Variants in NANOS3 observed in about 807,000 individuals in gnomAD.
NANOS3 encodes the protein nanos homolog 3.
NANOS3 carries 11 observed loss-of-function variants against 13.8 expected under a neutral mutation model. The ratio of observed to expected loss-of-function variants is 0.80; its 90% confidence interval spans 0.50 to 1.32. NANOS3 has a LOEUF of 1.32. Among genes scored for constraint, NANOS3 ranks in the 40% most tolerant of loss-of-function variants. NANOS3 has a pLI of 0.00. For missense variants in NANOS3, 221 were observed against 263.8 expected (o/e 0.84, Z 1.12); for synonymous variants, 119 against 115.4 (o/e 1.03, Z -0.20).
At chr19:13,872,681 A>T (rs1437780537), upstream of NANOS3, among the ~76,000 whole-genome samples, 1 of 152,088 alleles carries the variant, frequency 6.6e-6, no homozygotes, top group Non-Finnish European at 1.5e-5. Context: ...GGGACCGGCC[A>T]CCTCCCTCGG....
chr19:13,875,737 A>G (rs1398131281), upstream of NANOS3, among the ~76,000 whole-genome samples: 1 of 152,010 alleles, frequency 6.6e-6, no homozygotes, highest in African/African-American at 2.4e-5. Flanking sequence ...TTTTGTAGGA[A>G]CAGGGTCTCA....
intron 1 of NANOS3, among the ~76,000 whole-genome samples, chr19:13,871,475 C>G (rs570608912): frequency 6.6e-6 from 1 of 152,350 alleles, no homozygotes; most frequent in Admixed American, 6.5e-5. Context: ...GCCCCAGCCC[C>G]AGCTTCCTGG....
upstream of NANOS3, among the ~76,000 whole-genome samples, chr19:13,877,046 CT>C (rs1395719454): frequency 1.3e-5 from 2 of 152,146 alleles, no homozygotes; most frequent in Non-Finnish European, 2.9e-5. Context: ...CCAGGCCCCC[CT>C]GTGACAATAA....
At chr19:13,873,720 C>T (rs938271078), upstream of NANOS3, among the ~76,000 whole-genome samples, 2 of 152,164 alleles carry the variant, frequency 1.3e-5, no homozygotes, top group Non-Finnish European at 2.9e-5. Context: ...ATCCTCCCGC[C>T]TCAGCCTCCC....
At chr19:13,870,735 T>G (rs920835969) in intron 1 of NANOS3, among the ~76,000 whole-genome samples, 1 of 150,270 alleles carries the variant, frequency 6.7e-6, no homozygotes, top group Admixed American at 6.7e-5. Flanking sequence ...GCCTGGCTAC[T>G]TTTTTTTTGT....
At chr19:13,878,802 A>C in intron 1 of NANOS3, among the ~76,000 whole-genome samples, 1 of 150,796 alleles carries the variant, frequency 6.6e-6, no homozygotes, top group Non-Finnish European at 1.5e-5. Flanking sequence ...CCTCCCATAG[A>C]AACAGGGTCT....
chr19:13,874,241 C>T (rs1968462317), upstream of NANOS3, among the ~76,000 whole-genome samples: 1 of 152,212 alleles, frequency 6.6e-6, no homozygotes, highest in Non-Finnish European at 1.5e-5. Flanking sequence ...GCCCGGAACT[C>T]AGTGAAGCTC....
upstream of NANOS3, among the ~76,000 whole-genome samples, chr19:13,862,670 C>T (rs1568360305): frequency 1.3e-5 from 2 of 152,102 alleles, no homozygotes; most frequent in African/African-American, 4.8e-5. Flanking sequence ...TCCTGAGTAG[C>T]TGGGATTATA....
chr19:13,873,258 A>T (rs1488798060), upstream of NANOS3, among the ~76,000 whole-genome samples: 1 of 99,414 alleles, frequency 1.0e-5, no homozygotes, highest in Non-Finnish European at 1.9e-5. Flanking sequence ...TGGTGGCTCC[A>T]GACTGTGGGT....
upstream of NANOS3, among the ~76,000 whole-genome samples, chr19:13,865,029 C>A (rs1976210852): frequency 6.6e-6 from 1 of 151,978 alleles, no homozygotes; most frequent in Non-Finnish European, 1.5e-5. Context: ...CCGCCCGCGC[C>A]CCCGTGTCCC....
chr19:13,878,057 CGCCACCACACCCGGCTAATT>C lies in NANOS3; in HGVS notation c.517+300_517+319del, dbSNP rs1209598887. ...CTGGGTAGCTGGGATTATAGGCGCG[CGCCACCACACCCGGCTAATT>C]GCCACCATGCCCGGCTAAATTTTGT... On this transcript the variant is annotated intron_variant, in intron 1 of 1. Coordinates refer to ENST00000339133, the MANE Select transcript of NANOS3 (RefSeq NM_001098622.3). Among the ~76,000 whole-genome samples the C allele has an allele frequency of 1.1e-3, 168 of 151,238 alleles. 3 individuals are homozygous for C. The highest frequency in any genetic ancestry group is 8.8e-4 in the Non-Finnish European group (60 of 67,836).
At chr19:13,874,212 G>A (rs568570037), upstream of NANOS3, among the ~76,000 whole-genome samples, 2 of 152,132 alleles carry the variant, frequency 1.3e-5, no homozygotes, top group Admixed American at 1.3e-4. Flanking sequence ...TCACGCTGTT[G>A]TGATTCCTAA....
chr19:13,877,853 C>G, intron 1 of NANOS3, 88 bp downstream of exon 1: 1 of 1,467,260 alleles, frequency 6.8e-7, no homozygotes. Context: ...TACCCACCTC[C>G]AAGGGTTAGG....
chr19:13,865,966 A>T (rs1463193901), intron 1 of NANOS3, among the ~76,000 whole-genome samples: 1 of 151,798 alleles, frequency 6.6e-6, no homozygotes, highest in Non-Finnish European at 1.5e-5. Context: ...GGCCAAGTTC[A>T]TGGGCGCTCG....
intron 1 of NANOS3, among the ~76,000 whole-genome samples, chr19:13,867,833 T>C (rs1225832800): frequency 2.6e-5 from 4 of 152,008 alleles, no homozygotes; most frequent in African/African-American, 4.8e-5. Flanking sequence ...CACAAAGATA[T>C]ATGAGCACGA....
chr19:13,870,560 CTTTT>C (rs34524831), intron 1 of NANOS3, among the ~76,000 whole-genome samples: 11 of 71,638 alleles, frequency 1.5e-4, no homozygotes, highest in East Asian at 9.5e-4. Context: ...GATAGCGTGG[CTTTT>C]TTTTTTTTTT....
At chr19:13,870,233 C>T (rs1445980397) in intron 1 of NANOS3, among the ~76,000 whole-genome samples, 1 of 152,090 alleles carries the variant, frequency 6.6e-6, no homozygotes, top group Non-Finnish European at 1.5e-5. Context: ...GCGCACACCA[C>T]CACACCCGGC....
chr19:13,880,291 G>T, intron 1 of NANOS3, 151 bp from the exon 2 acceptor site: 1 of 673,536 alleles, frequency 1.5e-6, no homozygotes, highest in Admixed American at 2.6e-5. Context: ...CCGCCCGGCG[G>T]AGCCAGAGAC....
At chr19:13,869,177 T>G (rs1599299014) in intron 1 of NANOS3, among the ~76,000 whole-genome samples, 1 of 152,130 alleles carries the variant, frequency 6.6e-6, no homozygotes, top group East Asian at 1.9e-4. Flanking sequence ...ATTAAAAAAT[T>G]TTTTTAATTT....
Sources: gnomAD v4.1 joint callset for allele counts (sites outside exome capture counted in the v4.1 genomes callset) on GRCh38, gnomAD v4.1.1 for gene constraint, MANE v1.5 for transcripts, NCBI Gene and HGNC (gene_info 2026-07-23, HGNC 2026-07-21) for gene names.